Variants in SEZ6L observed in about 807,000 individuals in gnomAD.
SEZ6L encodes seizure 6-like protein.
A neutral mutation model predicts 106.2 loss-of-function variants in SEZ6L; 37 were observed. The ratio of observed to expected loss-of-function variants is 0.35; its 90% CI spans 0.27 to 0.46. The LOEUF is 0.46. SEZ6L is among the 20% of genes least tolerant of loss of function. The probability of loss-of-function intolerance (pLI) is 1.00; values close to 1 mark genes in which losing one functional copy is unlikely to be tolerated. For synonymous variants in SEZ6L, 541 were observed against 570.4 expected (o/e 0.95, Z 0.73); for missense variants, 1,172 against 1,332.8 (o/e 0.88, Z 1.88).
At chr22:26,353,962 C>G (rs1468364822) in intron 12 of SEZ6L, among the ~76,000 whole-genome samples, 3 of 150,328 alleles carry the variant, frequency 2.0e-5, no homozygotes, top group Non-Finnish European at 3.0e-5. Context: ...TATCTGTAAC[C>G]ATGACCTTGA....
chr22:26,296,846 A>C, intron 3 of SEZ6L, 42 bp from the exon 4 acceptor site: 3 of 1,489,370 alleles, frequency 2.0e-6, no homozygotes, highest in Non-Finnish European at 2.7e-6. Flanking sequence ...TGTCTCAAAC[A>C]CAACTCAGAG....
intron 1 of SEZ6L, among the ~76,000 whole-genome samples, chr22:26,193,790 G>A (rs1458751346): frequency 6.6e-6 from 1 of 152,094 alleles, no homozygotes; most frequent in Admixed American, 6.5e-5. Context: ...ATTCTTCCAG[G>A]AATAATTACC....
chr22:26,234,255 C>T (rs1230744451), intron 1 of SEZ6L, among the ~76,000 whole-genome samples: 2 of 152,108 alleles, frequency 1.3e-5, no homozygotes, highest in African/African-American at 2.4e-5. Flanking sequence ...CAGATTGGCC[C>T]GAATTGGAAC....
intron 10 of SEZ6L, among the ~76,000 whole-genome samples, chr22:26,346,281 A>G (rs1053328515): frequency 1.1e-4 from 17 of 152,148 alleles, no homozygotes; most frequent in Admixed American, 1.0e-3. Flanking sequence ...GGCTCAAGCA[A>G]TCCTCCTACC....
chr22:26,260,600 A>G (rs12159963), intron 1 of SEZ6L, among the ~76,000 whole-genome samples: 5,766 of 152,244 alleles, frequency 0.038, 366 homozygotes, highest in African/African-American at 0.13. Flanking sequence ...ATATATATAT[A>G]CATATCACAA....
intron 1 of SEZ6L, 131 bp downstream of exon 1, chr22:26,169,894 A>G (rs1346163683): frequency 2.5e-6 from 1 of 392,552 alleles, no homozygotes; most frequent in African/African-American, 2.1e-5. Context: ...GCTGTCCAAA[A>G]TCGGGGCTAG....
chr22:26,256,051 G>A lies in SEZ6L; in HGVS notation c.95-36355G>A, dbSNP rs1043356970. On this transcript the variant is annotated intron_variant, in intron 1 of 16. Transcript: ENST00000248933. ...GGAAGGAAGAGGAAGAGAGTTCTAT[G>A]TACAAAAACCTGTTGCCTTATTCAT... 7.2e-5 allele frequency among the ~76,000 whole-genome samples: 11 copies of A among 152,174 alleles called. 1 individual carries two copies. The highest frequency in any genetic ancestry group is 5.9e-4 in the Admixed American group (9 of 15,284).
At chr22:26,279,003 AGGAAG>A (rs1423330469) in intron 1 of SEZ6L, among the ~76,000 whole-genome samples, 9 of 144,984 alleles carry the variant, frequency 6.2e-5, no homozygotes, top group African/African-American at 1.6e-4. Context: ...GAAGGAAGGA[AGGAAG>A]GGAAGGAAGG....
intron 1 of SEZ6L, among the ~76,000 whole-genome samples, chr22:26,240,530 C>A (rs930493062): frequency 1.3e-5 from 2 of 152,102 alleles, no homozygotes; most frequent in African/African-American, 4.8e-5. Context: ...CCAGTCCTGA[C>A]AGACAGTGGA....
intron 5 of SEZ6L, among the ~76,000 whole-genome samples, chr22:26,301,488 T>C (rs999722532): frequency 2.0e-5 from 3 of 152,204 alleles, no homozygotes; most frequent in Admixed American, 2.0e-4. Context: ...GCAAACATGC[T>C]GGTAACAGAT....
intron 1 of SEZ6L, among the ~76,000 whole-genome samples, chr22:26,288,007 G>T (rs1185557002): frequency 1.3e-5 from 2 of 152,222 alleles, no homozygotes; most frequent in African/African-American, 2.4e-5. Flanking sequence ...TAGCACCCTT[G>T]TACCCTGGGG....
intron 10 of SEZ6L, 89 bp from the exon 11 acceptor site, chr22:26,347,630 C>A: frequency 9.0e-7 from 1 of 1,107,906 alleles, no homozygotes; most frequent in Non-Finnish European, 1.3e-6. Flanking sequence ...GCTTTTTTTT[C>A]TCTTCGCTCA....
intron 1 of SEZ6L, among the ~76,000 whole-genome samples, chr22:26,254,372 C>A (rs148145021): frequency 6.6e-6 from 1 of 150,700 alleles, no homozygotes; most frequent in South Asian, 2.1e-4. Context: ...AGGAAAGGGA[C>A]GGAAGAGGGA....
chr22:26,321,799 C>T (rs775623006), intron 9 of SEZ6L, among the ~76,000 whole-genome samples: 1 of 152,040 alleles, frequency 6.6e-6, no homozygotes, highest in Non-Finnish European at 1.5e-5. Context: ...CACTGCAGAC[C>T]GAGCTGGGTA....
At position 26,353,864 on chromosome 22, in the gene SEZ6L, C is replaced by T. The variant is rs536924354; in HGVS notation, c.2599+2621C>T. On this transcript the variant is annotated intron_variant, in intron 12 of 16. Coordinates refer to ENST00000248933, the MANE Select transcript of SEZ6L (RefSeq NM_021115.5). ...TAACCCACAGTATCTGTAACCGTGACCTTGATTGGACACAGTGTCTTCAAC... is the reference window on the plus strand; with the variant it reads ...TAACCCACAGTATCTGTAACCGTGATCTTGATTGGACACAGTGTCTTCAAC... 2.0e-5 allele frequency among the ~76,000 whole-genome samples: 3 copies of T among 151,016 alleles called. No individual in the cohort carries two copies. The East Asian group carries it at 5.9e-4, about 30-fold the overall frequency.
At chr22:26,170,162 G>T (rs376878615) in intron 1 of SEZ6L, among the ~76,000 whole-genome samples, 13 of 152,188 alleles carry the variant, frequency 8.5e-5, no homozygotes, top group African/African-American at 3.1e-4. Flanking sequence ...GGACAGGAAG[G>T]GGGGTGAGAA....
At chr22:26,217,748 T>C (rs574071178) in intron 1 of SEZ6L, among the ~76,000 whole-genome samples, 1 of 152,338 alleles carries the variant, frequency 6.6e-6, no homozygotes, top group East Asian at 1.9e-4. Context: ...GCCTCGCAAA[T>C]ACAACATGTT....
intron 1 of SEZ6L, among the ~76,000 whole-genome samples, chr22:26,176,857 C>T (rs1939036327): frequency 6.6e-6 from 1 of 152,220 alleles, no homozygotes; most frequent in Non-Finnish European, 1.5e-5. Context: ...TTGCTTCTCT[C>T]CTGTCTATGC....
At chr22:26,376,998 G>A (rs1292568466) in intron 15 of SEZ6L, among the ~76,000 whole-genome samples, 3 of 152,070 alleles carry the variant, frequency 2.0e-5, no homozygotes, top group Non-Finnish European at 4.4e-5. Context: ...GATGGTCAGG[G>A]GCCAGGCATG....
Sources: allele counts gnomAD v4.1 joint callset (sites outside exome capture counted in the v4.1 genomes callset), GRCh38; gene constraint gnomAD v4.1.1; transcripts MANE v1.5; gene names NCBI Gene and HGNC (gene_info 2026-07-23, HGNC 2026-07-21).